ZNF385D: variants seen among roughly 807,000 people sequenced by gnomAD.
ZNF385D encodes zinc finger protein 659.
ZNF385D carries 15 observed loss-of-function variants against 35.8 expected under a neutral mutation model. That is an observed-to-expected ratio of 0.42 (90% CI 0.28 to 0.64). The LOEUF (loss-of-function observed/expected upper bound fraction) is 0.64. Ranked by LOEUF, ZNF385D falls within the 30% of genes least tolerant of loss-of-function variation. The probability of loss-of-function intolerance (pLI) is 0.23; values close to 1 mark genes in which losing one functional copy is unlikely to be tolerated. For missense variants in ZNF385D, 474 were observed against 494.6 expected (o/e 0.96, Z 0.39); for synonymous variants, 212 against 186.8 (o/e 1.13, Z -1.10).
At chr3:21,809,557 C>A (rs938753333) in intron 3 of ZNF385D, among the ~76,000 whole-genome samples, 1 of 150,762 alleles carries the variant, frequency 6.6e-6, no homozygotes, top group African/African-American at 2.4e-5. Context: ...TGTATATAAC[C>A]CCTACAACAA....
intron 2 of ZNF385D, among the ~76,000 whole-genome samples, chr3:22,335,631 T>C (rs1695128543): frequency 6.6e-6 from 1 of 152,172 alleles, no homozygotes; most frequent in Non-Finnish European, 1.5e-5. Context: ...ATTCAACTTG[T>C]TCAACTACAG....
intron 3 of ZNF385D, among the ~76,000 whole-genome samples, chr3:21,962,329 A>C (rs533240821): frequency 6.6e-6 from 1 of 152,248 alleles, no homozygotes; most frequent in South Asian, 2.1e-4. Flanking sequence ...TAGGTTATCA[A>C]TGGAAACAAC....
intron 4 of ZNF385D, among the ~76,000 whole-genome samples, chr3:21,510,058 A>G (rs1252323441): frequency 6.6e-6 from 1 of 152,210 alleles, no homozygotes; most frequent in Non-Finnish European, 1.5e-5. Flanking sequence ...ATTCACATGG[A>G]CTGGAAAACA....
intron 3 of ZNF385D, among the ~76,000 whole-genome samples, chr3:21,859,424 A>T (rs1416760677): frequency 6.6e-6 from 1 of 151,614 alleles, no homozygotes; most frequent in Non-Finnish European, 1.5e-5. Context: ...AAAAAAACTG[A>T]AAACAATAAA....
intron 2 of ZNF385D, among the ~76,000 whole-genome samples, chr3:22,298,374 A>ATGTG (rs372178423): frequency 0.18 from 25,775 of 143,644 alleles, 2,652 homozygotes; most frequent in South Asian, 0.26. Context: ...AGCAGTATGT[A>ATGTG]TGTGTGTGTG....
At chr3:22,129,962 G>A (rs1559391975) in intron 3 of ZNF385D, among the ~76,000 whole-genome samples, 1 of 152,126 alleles carries the variant, frequency 6.6e-6, no homozygotes, top group Non-Finnish European at 1.5e-5. Context: ...CTTTCCCAAG[G>A]CCCATGGCGA....
chr3:21,833,703 A>C (rs958087683), intron 3 of ZNF385D, among the ~76,000 whole-genome samples: 12 of 152,200 alleles, frequency 7.9e-5, no homozygotes, highest in African/African-American at 2.2e-4. Context: ...GCTTAAGAGC[A>C]GGAGACTTGG....
chr3:22,359,016 A>C (rs1318443428), intron 2 of ZNF385D, among the ~76,000 whole-genome samples: 1 of 151,346 alleles, frequency 6.6e-6, no homozygotes, highest in Non-Finnish European at 1.5e-5. Context: ...CATTAGGCAA[A>C]AAAGTATACT....
Position 21,437,172 on chromosome 3 carries a change from C to A in ZNF385D, c.471G>T (p.Thr157=). 1.9e-6 allele frequency: 3 copies of A among 1,613,662 alleles called. No homozygotes were observed. In the South Asian group the frequency reaches 3.3e-5, roughly 18 times the overall value. ...TTTTGCGGATTTCCACAGTTGTCGT[C>A]GTTGATATTGCTGGTGTCCCTGCAG... ...DGTAGTPAIS[T]TTTVEIRKSS... Residue 157 remains threonine (T), a synonymous_variant, in exon 5 of 8, where the codon ACG becomes ACT. Transcript: ENST00000281523.
intron 3 of ZNF385D, among the ~76,000 whole-genome samples, chr3:22,045,641 C>T (rs1266267070): frequency 6.6e-6 from 1 of 152,138 alleles, no homozygotes; most frequent in East Asian, 1.9e-4. Context: ...ATTTCTAGTG[C>T]TGAGTAAAGG....
At chr3:22,226,350 A>G (rs1406229929) in intron 2 of ZNF385D, among the ~76,000 whole-genome samples, 1 of 152,080 alleles carries the variant, frequency 6.6e-6, no homozygotes, top group Non-Finnish European at 1.5e-5. Context: ...TAAACAGACA[A>G]TGGGAAGGAC....
chr3:22,113,441 A>G (rs1426469596), intron 3 of ZNF385D, among the ~76,000 whole-genome samples: 2 of 152,124 alleles, frequency 1.3e-5, no homozygotes, highest in Non-Finnish European at 2.9e-5. Flanking sequence ...TATCAGAACT[A>G]TACCTTGGTT....
intron 2 of ZNF385D, among the ~76,000 whole-genome samples, chr3:22,370,962 G>C (rs1285350430): frequency 6.6e-6 from 1 of 152,134 alleles, no homozygotes; most frequent in South Asian, 2.1e-4. Context: ...TTAAATCTGA[G>C]ATAATACATT....
intron 3 of ZNF385D, among the ~76,000 whole-genome samples, chr3:22,148,614 G>A (rs115879825): frequency 7.2e-5 from 11 of 152,250 alleles, no homozygotes; most frequent in African/African-American, 2.4e-4. Flanking sequence ...GAAAAATAGC[G>A]TGACAAGTTT....
chr3:21,434,949 C>T (rs1701477409), intron 5 of ZNF385D, among the ~76,000 whole-genome samples: 1 of 152,102 alleles, frequency 6.6e-6, no homozygotes, highest in Admixed American at 6.6e-5. Context: ...CACATTTCAC[C>T]TCCTTAAACT....
chr3:21,757,597 A>G (rs1453403550), intron 3 of ZNF385D, among the ~76,000 whole-genome samples: 1 of 152,190 alleles, frequency 6.6e-6, no homozygotes, highest in East Asian at 1.9e-4. Flanking sequence ...ATAGTTGTTG[A>G]GTACTCCCGT....
At chr3:22,131,626 G>C (rs78608770) in intron 3 of ZNF385D, among the ~76,000 whole-genome samples, 1 of 152,146 alleles carries the variant, frequency 6.6e-6, no homozygotes. Flanking sequence ...AAGTGGAAGG[G>C]AAGGCCACTG....
chr3:21,706,847 GATAGA>G (rs2067922025), intron 1 of ZNF385D, among the ~76,000 whole-genome samples: 12 of 137,266 alleles, frequency 8.7e-5, no homozygotes, highest in Admixed American at 6.6e-4. Flanking sequence ...TAGATAGATA[GATAGA>G]TAAATAGATT....
At chr3:22,164,119 C>A (rs1349996963) in intron 3 of ZNF385D, among the ~76,000 whole-genome samples, 3 of 150,378 alleles carry the variant, frequency 2.0e-5, no homozygotes, top group Non-Finnish European at 4.4e-5. Flanking sequence ...AGGTAAAGCA[C>A]TAATTCGCTT....
Sources: allele counts gnomAD v4.1 joint callset (sites outside exome capture counted in the v4.1 genomes callset), GRCh38; gene constraint gnomAD v4.1.1; transcripts MANE v1.5; gene names NCBI Gene and HGNC (gene_info 2026-07-23, HGNC 2026-07-21).